Variants in PLIN3 observed in about 807,000 individuals in gnomAD.
The protein encoded by PLIN3 is perilipin 3.
PLIN3 carries 30 observed loss-of-function variants against 35.9 expected under a neutral mutation model. That is an observed-to-expected ratio of 0.84 (90% confidence interval 0.62 to 1.13). PLIN3 has a LOEUF of 1.13. Among genes scored for constraint, PLIN3 ranks in the 50% most tolerant of loss-of-function variants. The probability of loss-of-function intolerance (pLI) is 0.00; values close to 1 mark genes in which losing one functional copy is unlikely to be tolerated. For synonymous variants in PLIN3, 261 were observed against 262.5 expected, an observed-to-expected ratio of 0.99 and a Z score of 0.06; for missense variants, 603 against 596.9, an observed-to-expected ratio of 1.01 and a Z score of -0.11.
chr19:4,859,446 G>C, intron 4 of PLIN3, 144 bp downstream of exon 4: 1 of 711,598 alleles, frequency 1.4e-6, no homozygotes, highest in Non-Finnish European at 2.5e-6. Flanking sequence ...CCTGTGGGGA[G>C]TGGATTCGGG....
chr19:4,862,218 C>A (rs1234780756), intron 1 of PLIN3, among the ~76,000 whole-genome samples: 3 of 151,422 alleles, frequency 2.0e-5, no homozygotes, highest in Non-Finnish European at 4.4e-5. Context: ...GTAACCTCCA[C>A]CTCCCACGTT....
Position 4,839,156 on chromosome 19 carries a change from A to G in PLIN3, c.*36T>C. 1 of 1,523,102 alleles carries G rather than the reference A, an allele frequency of 6.6e-7. No homozygotes were observed. The highest frequency in any genetic ancestry group is 9.0e-7 in the Non-Finnish European group (1 of 1,116,490). 94.3% of individuals were successfully genotyped at this position (1,523,102 alleles called of 1,614,324 possible). A position where few individuals can be genotyped will look rare whatever the true frequency, so the allele number is the denominator to read the frequency against. ...GAGGACTCCAGAGCACAGCTGCATT[A>G]TAGAGACGGGGCCCGCTGAGTCCTC... is the stretch of plus-strand genomic sequence containing the variant. On this transcript the variant is annotated 3_prime_UTR_variant, in exon 8 of 8. Transcript: ENST00000221957.
chr19:4,864,395 C>A (rs537093723), intron 1 of PLIN3, among the ~76,000 whole-genome samples: 9 of 151,276 alleles, frequency 5.9e-5, no homozygotes, highest in Admixed American at 2.0e-4. Context: ...GTGATCCACC[C>A]GCCTCAGCCT....
intron 1 of PLIN3, chr19:4,867,054 CTCGTCGCCACGCCCACCCGAGGGAA>C (rs1237538780): frequency 5.3e-5 from 8 of 152,296 alleles, no homozygotes; most frequent in African/African-American, 1.9e-4. Flanking sequence ...TTTAAGCCAC[CTCGTCGCCACGCCCACCCGAGGGAA>C]GTGGGCAGGC....
At chr19:4,859,736 G>A (rs2030603589) in intron 3 of PLIN3, 64 bp from the exon 4 acceptor site, 1 of 1,600,172 alleles carries the variant, frequency 6.2e-7, no homozygotes, top group Non-Finnish European at 8.6e-7. Context: ...GGTTCAGGGG[G>A]ACAGGACCAA....
In PLIN3 at chr19:4,839,197, T is replaced by C; in HGVS notation, c.1300A>G (p.Lys434Glu). The stretch of plus-strand genomic sequence containing the variant: ...CTGAGTCCTCTCCTCTCCCCCTACT[T>C]CTTCTCCTCCGGGGCTTTCTCAGTG... The part of the protein sequence containing the change: ...GITEKAPEEK[K>E] The change falls in exon 8 of 8, where the codon AAG becomes GAG. Residue 434 changes from lysine to glutamate, a missense_variant. Transcript: ENST00000221957. 1.2e-6 allele frequency: 2 copies of C among 1,600,120 alleles called. No homozygotes were observed. The highest frequency in any genetic ancestry group is 1.7e-6 in the Non-Finnish European group (2 of 1,169,702).
chr19:4,857,467 C>G (rs1373322603), intron 4 of PLIN3, among the ~76,000 whole-genome samples: 1 of 151,902 alleles, frequency 6.6e-6, no homozygotes, highest in Non-Finnish European at 1.5e-5. Context: ...ACTTGGGAAG[C>G]TGAGATGGGA....
chr19:4,845,690 C>T lies in PLIN3; in HGVS notation c.835-897G>A, dbSNP rs1202928308. On this transcript the variant is annotated intron_variant, in intron 6 of 7. Coordinates refer to ENST00000221957, the MANE Select transcript of PLIN3 (RefSeq NM_005817.5). Reference sequence around the variant, plus strand: ...CTGTAATCCCAGCACTTTGGGAGGCCGAGGCGGGTGGATCACGAGGTGAGG... The same window carrying T: ...CTGTAATCCCAGCACTTTGGGAGGCTGAGGCGGGTGGATCACGAGGTGAGG... 8.6e-5 allele frequency among the ~76,000 whole-genome samples: 13 copies of T among 151,898 alleles called. No individual in the cohort carries two copies. The South Asian group carries it at 1.0e-3, about 12-fold the overall frequency.
intron 6 of PLIN3, among the ~76,000 whole-genome samples, chr19:4,846,746 G>C (rs116327749): frequency 0.011 from 1,699 of 152,084 alleles, 29 homozygotes; most frequent in African/African-American, 0.038. Context: ...GGGAAGGGAC[G>C]ACCACGTGAA....
At chr19:4,842,040 C>T (rs1275086337) in intron 7 of PLIN3, among the ~76,000 whole-genome samples, 1 of 151,640 alleles carries the variant, frequency 6.6e-6, no homozygotes, top group Non-Finnish European at 1.5e-5. Context: ...GAAATCAGGT[C>T]CTTGAAAATT....
At chr19:4,844,309 C>CA (rs1163646765) in intron 7 of PLIN3, among the ~76,000 whole-genome samples, 1 of 151,670 alleles carries the variant, frequency 6.6e-6, no homozygotes, top group East Asian at 1.9e-4. Flanking sequence ...ACTAAAAATA[C>CA]AAAAAAATTA....
At chr19:4,852,374 T>G (rs2030329839) in intron 4 of PLIN3, 73 bp from the exon 5 acceptor site, 11 of 1,534,040 alleles carry the variant, frequency 7.2e-6, no homozygotes, top group Non-Finnish European at 9.7e-6. Context: ...CACCCCAACT[T>G]CCAGGGAGAC....
chr19:4,847,637 T>G, intron 6 of PLIN3, 54 bp downstream of exon 6: 1 of 1,465,042 alleles, frequency 6.8e-7, no homozygotes, highest in East Asian at 2.5e-5. Flanking sequence ...TGGGTGGGTG[T>G]CTGCTGCGGG....
At chr19:4,861,991 T>C (rs1211086616) in intron 1 of PLIN3, among the ~76,000 whole-genome samples, 1 of 150,744 alleles carries the variant, frequency 6.6e-6, no homozygotes, top group African/African-American at 2.4e-5. Flanking sequence ...CAGGCTGGAG[T>C]ACAGTGGTAC....
intron 1 of PLIN3, among the ~76,000 whole-genome samples, chr19:4,863,005 A>G (rs1054490659): frequency 1.3e-5 from 2 of 151,330 alleles, no homozygotes; most frequent in Non-Finnish European, 2.9e-5. Context: ...AAAAATACAA[A>G]CATTAGCCAG....
intron 4 of PLIN3, among the ~76,000 whole-genome samples, chr19:4,856,705 GTTTTTTT>G (rs1420037223): frequency 1.6e-5 from 2 of 126,370 alleles, no homozygotes; most frequent in South Asian, 5.5e-4. Context: ...GAAGGAGGGT[GTTTTTTT>G]TTTTTTTTTT....
At chr19:4,860,410 G>A (rs375426865) in intron 2 of PLIN3, among the ~76,000 whole-genome samples, 12 of 151,854 alleles carry the variant, frequency 7.9e-5, no homozygotes, top group African/African-American at 1.9e-4. Context: ...TCACCATGTT[G>A]GCCAGGCTGG....
At chr19:4,865,268 C>G (rs752447538) in intron 1 of PLIN3, among the ~76,000 whole-genome samples, 5 of 151,914 alleles carry the variant, frequency 3.3e-5, no homozygotes, top group Admixed American at 6.6e-5. Context: ...GCGGGCAGAT[C>G]ACCTAAGGTC....
chr19:4,861,324 C>A lies in PLIN3; in HGVS notation c.66+5G>T, dbSNP rs377357120. The A allele has an allele frequency of 6.2e-7, 1 of 1,613,268 alleles. No individual in the cohort carries two copies. Among genetic ancestry groups the A allele is most frequent in the South Asian group, 1.1e-5 (1 of 91,082 alleles). ...GGGCAGTCCCTGGTCCCGGCCCTTC[C>A]TCACCTGCTGTACCGGTTCTTCCAC... On this transcript the variant is annotated splice_donor_5th_base_variant and intron_variant, in intron 2 of 7. Coordinates refer to ENST00000221957, the MANE Select transcript of PLIN3 (RefSeq NM_005817.5).
Sources: allele counts gnomAD v4.1 joint callset (sites outside exome capture counted in the v4.1 genomes callset), GRCh38; gene constraint gnomAD v4.1.1; transcripts MANE v1.5; gene names NCBI Gene and HGNC (gene_info 2026-07-23, HGNC 2026-07-21).